The following SLC25A20 variants were observed in gnomAD, a reference collection of about 807,000 sequenced individuals.
SLC25A20 encodes the protein solute carrier family 25 member 20, also known as mitochondrial carnitine/acylcarnitine carrier protein.
Under a neutral mutation model 39.7 loss-of-function variants are expected in SLC25A20, and 29 were observed. The ratio of observed to expected loss-of-function variants is 0.73; its 90% CI spans 0.54 to 1.00. The LOEUF is 1.00. SLC25A20 is among the 50% of genes least tolerant of loss of function. SLC25A20 has a pLI of 0.00. For missense variants in SLC25A20, 333 were observed against 379.9 expected (o/e 0.88, Z 1.03); for synonymous variants, 103 against 142.2 (o/e 0.72, Z 1.96).
At chr3:48,889,970 T>C (rs1290051470) in intron 2 of SLC25A20, among the ~76,000 whole-genome samples, 2 of 152,208 alleles carry the variant, frequency 1.3e-5, no homozygotes, top group Non-Finnish European at 2.9e-5. Context: ...GAGGGCTCCT[T>C]GGTCAAGCAG....
chr3:48,872,422 GC>G (rs1422545747), intron 4 of SLC25A20, among the ~76,000 whole-genome samples: 1 of 151,772 alleles, frequency 6.6e-6, no homozygotes, highest in Non-Finnish European at 1.5e-5. Context: ...GAGCCACCAT[GC>G]CCGGCCCCCA....
intron 2 of SLC25A20, among the ~76,000 whole-genome samples, chr3:48,891,034 TC>T (rs2083872137): frequency 2.0e-5 from 3 of 151,950 alleles, no homozygotes; most frequent in Admixed American, 6.6e-5. Context: ...TTGGTAGTGG[TC>T]CCCCCGGCCC....
At chr3:48,885,484 G>T (rs921808886) in intron 2 of SLC25A20, among the ~76,000 whole-genome samples, 1 of 152,120 alleles carries the variant, frequency 6.6e-6, no homozygotes, top group African/African-American at 2.4e-5. Flanking sequence ...CAGGGCAGTA[G>T]AGGACTCCAA....
chr3:48,895,610 T>A (rs73080399), intron 1 of SLC25A20: 211 of 246,638 alleles, frequency 8.6e-4, no homozygotes, highest in Admixed American at 2.2e-3. Context: ...ACCATTTTTT[T>A]AATAATTTCT....
chr3:48,881,129 C>T (rs769994090), intron 3 of SLC25A20, among the ~76,000 whole-genome samples: 1 of 152,128 alleles, frequency 6.6e-6, no homozygotes, highest in Non-Finnish European at 1.5e-5. Context: ...TCACTCCAGG[C>T]AGGGCACCAG....
intron 2 of SLC25A20, among the ~76,000 whole-genome samples, chr3:48,886,527 C>A (rs1388117793): frequency 6.7e-6 from 1 of 149,822 alleles, no homozygotes. Flanking sequence ...CCGTCTCAAA[C>A]AAAAAATAAT....
chr3:48,857,689 G>T lies in SLC25A20; in HGVS notation c.*21C>A, dbSNP rs753549772. ...ACGACAGCTTCCAGCATCCAGAAGT[G>T]AACTTGAGCAGCCTTCAGCCTCACA... On this transcript the variant is annotated 3_prime_UTR_variant, in exon 9 of 9. Transcript: ENST00000319017. 3.1e-6 allele frequency: 5 copies of T among 1,611,882 alleles called. No homozygotes were observed. The highest frequency in any genetic ancestry group is 4.2e-6 in the Non-Finnish European group (5 of 1,178,330).
At chr3:48,884,559 A>C (rs558716349) in intron 2 of SLC25A20, among the ~76,000 whole-genome samples, 2 of 152,188 alleles carry the variant, frequency 1.3e-5, no homozygotes, top group East Asian at 3.9e-4. Flanking sequence ...CATGTTGCCC[A>C]AGCTGGTCTC....
At chr3:48,873,619 A>G (rs1219451355) in intron 4 of SLC25A20, among the ~76,000 whole-genome samples, 2 of 151,536 alleles carry the variant, frequency 1.3e-5, no homozygotes, top group Admixed American at 6.6e-5. Context: ...AAAAAAAACA[A>G]ATAAAATAAA....
chr3:48,873,702 A>G (rs2083734667), intron 4 of SLC25A20, among the ~76,000 whole-genome samples: 1 of 147,496 alleles, frequency 6.8e-6, no homozygotes, highest in Admixed American at 6.8e-5. Flanking sequence ...CAGACTGGCC[A>G]GGCGCAGTGG....
At chr3:48,883,264 G>A (rs1221261642) in intron 3 of SLC25A20, among the ~76,000 whole-genome samples, 1 of 151,754 alleles carries the variant, frequency 6.6e-6, no homozygotes, top group Non-Finnish European at 1.5e-5. Flanking sequence ...ATAACTCCCA[G>A]GAGTTGGGCC....
intron 8 of SLC25A20, 101 bp from the exon 9 acceptor site, chr3:48,857,873 T>C (rs1164875385): frequency 2.0e-6 from 2 of 1,003,750 alleles, no homozygotes; most frequent in Non-Finnish European, 3.1e-6. Flanking sequence ...CCAGAGCCCC[T>C]CCCTAACCCC....
At chr3:48,892,616 TC>T (rs2083885374) in intron 1 of SLC25A20, among the ~76,000 whole-genome samples, 1 of 152,198 alleles carries the variant, frequency 6.6e-6, no homozygotes, top group Non-Finnish European at 1.5e-5. Flanking sequence ...ATGTCCCACC[TC>T]AAGTATTCAG....
chr3:48,881,890 A>G (rs1345471810), intron 3 of SLC25A20, among the ~76,000 whole-genome samples: 2 of 152,198 alleles, frequency 1.3e-5, no homozygotes, highest in Non-Finnish European at 2.9e-5. Context: ...ACTTGCAGCT[A>G]TTTATAGAAT....
intron 4 of SLC25A20, among the ~76,000 whole-genome samples, chr3:48,878,262 C>CAAA (rs1257374907): frequency 1.9e-5 from 2 of 106,848 alleles, no homozygotes; most frequent in African/African-American, 7.5e-5. Context: ...TCCATCTCCA[C>CAAA]AAAAAAAAAA....
intron 1 of SLC25A20, among the ~76,000 whole-genome samples, chr3:48,893,950 C>T (rs2083895414): frequency 6.6e-6 from 1 of 151,030 alleles, no homozygotes; most frequent in Non-Finnish European, 1.5e-5. Flanking sequence ...AACCTGAGGT[C>T]AGGAGTTCAA....
intron 4 of SLC25A20, among the ~76,000 whole-genome samples, chr3:48,872,044 G>A (rs952955778): frequency 5.1e-5 from 7 of 138,262 alleles, no homozygotes; most frequent in African/African-American, 8.2e-5. Flanking sequence ...ACACAAGCTG[G>A]TCTCAGCCTC....
At chr3:48,892,369 A>C (rs750874312) in intron 1 of SLC25A20, among the ~76,000 whole-genome samples, 8 of 152,178 alleles carry the variant, frequency 5.3e-5, no homozygotes, top group Non-Finnish European at 8.8e-5. Context: ...ATGCTGCTAT[A>C]AACATTTGTG....
At chr3:48,885,751 G>A (rs564894483) in intron 2 of SLC25A20, among the ~76,000 whole-genome samples, 4 of 152,156 alleles carry the variant, frequency 2.6e-5, no homozygotes, top group Admixed American at 1.3e-4. Context: ...GCAGTGAGCC[G>A]AGATTGTGCC....
Sources: gnomAD v4.1 joint callset for allele counts (sites outside exome capture counted in the v4.1 genomes callset) on GRCh38, gnomAD v4.1.1 for gene constraint, MANE v1.5 for transcripts, NCBI Gene and HGNC (gene_info 2026-07-23, HGNC 2026-07-21) for gene names.